DLG2: variants seen among roughly 807,000 people sequenced by gnomAD.
The protein encoded by DLG2 is discs large MAGUK scaffold protein 2.
A neutral mutation model predicts 132.5 loss-of-function variants in DLG2; 45 were observed. That is an observed-to-expected ratio of 0.34 (90% CI 0.27 to 0.44). The LOEUF is 0.44. DLG2 is among the 20% of genes least tolerant of loss of function. DLG2 has a pLI of 1.00. For synonymous variants in DLG2, 424 were observed against 419.6 expected, an observed-to-expected ratio of 1.01 and a Z score of -0.13; for missense variants, 1,045 against 1,196.9, an observed-to-expected ratio of 0.87 and a Z score of 1.87.
intron 7 of DLG2, among the ~76,000 whole-genome samples, chr11:84,434,959 G>A (rs529871539): frequency 1.4e-5 from 2 of 147,752 alleles, no homozygotes; most frequent in East Asian, 3.9e-4. Context: ...AATTTATAGA[G>A]GGTACTAAAA....
chr11:84,190,359 C>T (rs1034404498), intron 8 of DLG2, among the ~76,000 whole-genome samples: 5 of 151,998 alleles, frequency 3.3e-5, no homozygotes, highest in Non-Finnish European at 5.9e-5. Flanking sequence ...TTGTATTTTC[C>T]AAATTGCATC....
chr11:84,853,908 T>C (rs2082459138), intron 6 of DLG2, among the ~76,000 whole-genome samples: 1 of 152,004 alleles, frequency 6.6e-6, no homozygotes, highest in African/African-American at 2.4e-5. Context: ...GAGTGGGAGT[T>C]AGATGATCTT....
chr11:83,823,546 C>T (rs568799616), intron 17 of DLG2, among the ~76,000 whole-genome samples: 4 of 152,098 alleles, frequency 2.6e-5, no homozygotes, highest in Non-Finnish European at 5.9e-5. Context: ...TATTCTGAAT[C>T]TTCAGGACAG....
chr11:84,290,382 G>A (rs1248165384), intron 7 of DLG2, among the ~76,000 whole-genome samples: 1 of 152,098 alleles, frequency 6.6e-6, no homozygotes, highest in African/African-American at 2.4e-5. Context: ...TGCTTATGAG[G>A]TGTGTATGAC....
intron 5 of DLG2, among the ~76,000 whole-genome samples, chr11:85,129,293 A>T (rs570421103): frequency 6.6e-6 from 1 of 152,204 alleles, no homozygotes; most frequent in African/African-American, 2.4e-5. Flanking sequence ...CTAGTCTACA[A>T]GATCTTACTC....
intron 5 of DLG2, among the ~76,000 whole-genome samples, chr11:85,115,398 G>A (rs2073420989): frequency 6.6e-6 from 1 of 151,826 alleles, no homozygotes; most frequent in Non-Finnish European, 1.5e-5. Flanking sequence ...TATTGCATTA[G>A]GAATAAGGAT....
chr11:83,751,175 G>A (rs2093281393), intron 18 of DLG2, among the ~76,000 whole-genome samples: 1 of 152,192 alleles, frequency 6.6e-6, no homozygotes, highest in African/African-American at 2.4e-5. Context: ...AAGAAAGGTG[G>A]TTATGCAGAT....
chr11:84,124,397 C>G (rs1435505316), intron 9 of DLG2, among the ~76,000 whole-genome samples: 2 of 152,220 alleles, frequency 1.3e-5, no homozygotes, highest in South Asian at 2.1e-4. Flanking sequence ...CACTGTGATT[C>G]TAAAGAACCT....
chr11:83,712,375 T>A (rs1236579045), intron 18 of DLG2, among the ~76,000 whole-genome samples: 2 of 152,286 alleles, frequency 1.3e-5, no homozygotes, highest in East Asian at 3.9e-4. Context: ...ACACCTGTAA[T>A]CCTAGTACTT....
At chr11:84,722,398 A>G (rs2061935566) in intron 6 of DLG2, among the ~76,000 whole-genome samples, 1 of 152,180 alleles carries the variant, frequency 6.6e-6, no homozygotes, top group Non-Finnish European at 1.5e-5. Flanking sequence ...GAAAGTTTAA[A>G]TGTATTGGTT....
chr11:84,214,101 C>T (rs1239810661), intron 8 of DLG2, among the ~76,000 whole-genome samples: 1 of 149,714 alleles, frequency 6.7e-6, no homozygotes, highest in Non-Finnish European at 1.5e-5. Flanking sequence ...TTAAAAAGCC[C>T]AAGCTTAGTA....
At chr11:84,970,355 C>T (rs1054331600) in intron 6 of DLG2, among the ~76,000 whole-genome samples, 4 of 152,128 alleles carry the variant, frequency 2.6e-5, no homozygotes, top group Admixed American at 6.6e-5. Flanking sequence ...TACAGATGCT[C>T]AAGGATTCCA....
intron 7 of DLG2, among the ~76,000 whole-genome samples, chr11:84,365,618 G>A (rs1306840026): frequency 2.1e-4 from 32 of 151,604 alleles, no homozygotes; most frequent in African/African-American, 7.3e-4. Flanking sequence ...TGTCAATTTT[G>A]GATCTTTCCT....
At chr11:84,643,597 G>A (rs1156785041) in intron 6 of DLG2, among the ~76,000 whole-genome samples, 1 of 152,086 alleles carries the variant, frequency 6.6e-6, no homozygotes, top group Non-Finnish European at 1.5e-5. Context: ...TAAAATAGGG[G>A]AATCTTATCT....
At chr11:83,906,257 T>TCTCTCTCA (rs2089406232) in intron 15 of DLG2, among the ~76,000 whole-genome samples, 1 of 67,158 alleles carries the variant, frequency 1.5e-5, no homozygotes, top group African/African-American at 5.1e-5. Flanking sequence ...TCTCTCTCTC[T>TCTCTCTCA]CACACACACA....
Position 83,455,524 on chromosome 11 carries a change from T to C in DLG2, c.*4294A>G, listed in dbSNP as rs1462700484. 6.6e-6 allele frequency: 1 copy of C among 152,664 alleles called. No individual in the cohort carries two copies. The highest frequency in any genetic ancestry group is 1.9e-4 in the East Asian group (1 of 5,202). The allele number at this position is 152,664 out of a possible 1,614,324, so 9.5% of individuals were successfully genotyped here. A position where few individuals can be genotyped will look rare whatever the true frequency, so the allele number is the denominator to read the frequency against. ...CTGTCCTCATGAGTTGCTAGGGAGA[T>C]ACTATACTCTTTAGATGATCTTTGT... On this transcript the variant is annotated 3_prime_UTR_variant, in exon 28 of 28. Coordinates refer to ENST00000376104, the MANE Select transcript of DLG2 (RefSeq NM_001142699.3).
At chr11:85,488,239 A>C (rs1384587644) in intron 3 of DLG2, among the ~76,000 whole-genome samples, 1 of 152,118 alleles carries the variant, frequency 6.6e-6, no homozygotes, top group Non-Finnish European at 1.5e-5. Flanking sequence ...AAATACAAAA[A>C]TTAGCTGGGT....
At chr11:85,122,822 T>TTA (rs1220324600) in intron 5 of DLG2, among the ~76,000 whole-genome samples, 98 of 147,696 alleles carry the variant, frequency 6.6e-4, no homozygotes, top group Non-Finnish European at 8.8e-4. Flanking sequence ...TACATGCAAA[T>TTA]TATATATATA....
chr11:84,689,731 T>C (rs1406745710), intron 6 of DLG2, among the ~76,000 whole-genome samples: 2 of 151,948 alleles, frequency 1.3e-5, no homozygotes, highest in Admixed American at 6.6e-5. Flanking sequence ...GGGAACTAGG[T>C]GTCCAAAATT....
Sources: allele counts gnomAD v4.1 joint callset (sites outside exome capture counted in the v4.1 genomes callset), GRCh38; gene constraint gnomAD v4.1.1; transcripts MANE v1.5; gene names NCBI Gene and HGNC (gene_info 2026-07-23, HGNC 2026-07-21).